The following NECAB1 variants were observed in gnomAD, a reference collection of about 807,000 sequenced individuals.
NECAB1 encodes the protein N-terminal EF-hand calcium binding protein 1, also known as N-terminal EF-hand calcium-binding protein 1.
A neutral mutation model predicts 57.5 loss-of-function variants in NECAB1; 29 were observed. The ratio of observed to expected loss-of-function variants is 0.50; its 90% CI spans 0.38 to 0.69. The LOEUF (loss-of-function observed/expected upper bound fraction) is 0.69, where lower values mean the gene tolerates loss of function less well. Among genes scored for constraint, NECAB1 ranks in the 30% least tolerant of loss-of-function variants. The pLI is 0.00. For synonymous variants in NECAB1, 142 were observed against 147.7 expected, an observed-to-expected ratio of 0.96 and a Z score of 0.28; for missense variants, 372 against 413.8, an observed-to-expected ratio of 0.90 and a Z score of 0.88.
chr8:90,895,411 C>G (rs567280760), intron 5 of NECAB1, among the ~76,000 whole-genome samples: 79 of 152,084 alleles, frequency 5.2e-4, no homozygotes, highest in African/African-American at 1.8e-3. Context: ...TTTTGAAAAG[C>G]AAAAAAGAAA....
At chr8:90,860,247 T>TTC (rs1812877105) in intron 3 of NECAB1, among the ~76,000 whole-genome samples, 1 of 151,160 alleles carries the variant, frequency 6.6e-6, no homozygotes, top group African/African-American at 2.4e-5. Flanking sequence ...TCTTTTTTTT[T>TTC]TTTTTTTAAC....
intron 3 of NECAB1, among the ~76,000 whole-genome samples, chr8:90,837,896 C>T (rs1563500931): frequency 6.6e-6 from 1 of 152,132 alleles, no homozygotes; most frequent in Non-Finnish European, 1.5e-5. Flanking sequence ...CTAATTGTTT[C>T]TTTTCATTTC....
At position 90,822,736 on chromosome 8, in the gene NECAB1, A is replaced by T. The variant is rs117946186; in HGVS notation, c.125-1981A>T. Among the ~76,000 whole-genome samples the T allele has an allele frequency of 1.5e-4, 23 of 151,934 alleles. No homozygotes were observed. The East Asian group carries it at 3.9e-3, about 26-fold the overall frequency. On this transcript the variant is annotated intron_variant, in intron 2 of 12. Transcript: ENST00000417640. ...GTGCAGTAATAGCCTGTTTCCACTC[A>T]CCTGAGAAATATTAACCATTCACCA...
intron 1 of NECAB1, among the ~76,000 whole-genome samples, chr8:90,800,835 G>A (rs976560948): frequency 2.0e-5 from 3 of 152,068 alleles, no homozygotes; most frequent in Admixed American, 6.5e-5. Context: ...ATATGACACC[G>A]TGTTTGTCAG....
chr8:90,816,954 C>A (rs1393163398), intron 2 of NECAB1, among the ~76,000 whole-genome samples: 1 of 151,616 alleles, frequency 6.6e-6, no homozygotes, highest in Non-Finnish European at 1.5e-5. Context: ...TAGAATATCT[C>A]CTTATTTACT....
chr8:90,862,434 T>G (rs1306922893), intron 3 of NECAB1, among the ~76,000 whole-genome samples: 1 of 152,116 alleles, frequency 6.6e-6, no homozygotes, highest in East Asian at 1.9e-4. Flanking sequence ...GTATTCTACC[T>G]GTATGATGAC....
chr8:90,918,166 C>T lies in NECAB1; in HGVS notation c.494+538C>T, dbSNP rs191320494. ...GTGGGATTACAGGCACACACCACCA[C>T]GTCCAGCTAATTTATTGTATTTTTT... On this transcript the variant is annotated intron_variant, in intron 6 of 12. Transcript: ENST00000417640. Among the ~76,000 whole-genome samples the T allele has an allele frequency of 2.8e-3, 417 of 150,890 alleles. 1 individual carries two copies. The highest frequency in any genetic ancestry group is 9.4e-3 in the African/African-American group (388 of 41,178).
intron 3 of NECAB1, among the ~76,000 whole-genome samples, chr8:90,860,949 A>G (rs968469631): frequency 6.6e-6 from 1 of 152,142 alleles, no homozygotes; most frequent in African/African-American, 2.4e-5. Flanking sequence ...GTCAGGGGTG[A>G]TATTTTCTTC....
chr8:90,832,133 C>T (rs1586045847), intron 3 of NECAB1, among the ~76,000 whole-genome samples: 2 of 152,128 alleles, frequency 1.3e-5, no homozygotes, highest in Non-Finnish European at 2.9e-5. Flanking sequence ...ATTACTGAAA[C>T]CCATTTACTT....
chr8:90,818,357 G>A (rs1287445685), intron 2 of NECAB1, among the ~76,000 whole-genome samples: 2 of 151,414 alleles, frequency 1.3e-5, no homozygotes, highest in African/African-American at 4.9e-5. Context: ...TCTCTCTTTA[G>A]TGTCCTAAAG....
intron 5 of NECAB1, among the ~76,000 whole-genome samples, chr8:90,899,136 C>T (rs923456971): frequency 1.3e-5 from 2 of 152,192 alleles, no homozygotes; most frequent in Admixed American, 1.3e-4. Flanking sequence ...AAAGACTGCT[C>T]ATAAGAGGAG....
At chr8:90,839,803 TG>T (rs1035335033) in intron 3 of NECAB1, among the ~76,000 whole-genome samples, 54 of 152,084 alleles carry the variant, frequency 3.6e-4, no homozygotes, top group African/African-American at 1.2e-3. Context: ...TGAGAATCAG[TG>T]GGGTAATCAA....
chr8:90,887,973 C>A (rs187464765), intron 5 of NECAB1, among the ~76,000 whole-genome samples: 1 of 152,230 alleles, frequency 6.6e-6, no homozygotes, highest in African/African-American at 2.4e-5. Flanking sequence ...TGCTGGTGTA[C>A]CCCAAATCCA....
At chr8:90,906,891 A>ATATATATATATATATATGTATGTATG (rs1809682153) in intron 5 of NECAB1, among the ~76,000 whole-genome samples, 1 of 113,414 alleles carries the variant, frequency 8.8e-6, no homozygotes, top group Non-Finnish European at 1.8e-5. Context: ...ATATATATAT[A>ATATATATATATATATATGTATGTATG]TATATATATA....
chr8:90,829,728 C>T (rs1224424327), intron 3 of NECAB1, among the ~76,000 whole-genome samples: 2 of 152,050 alleles, frequency 1.3e-5, no homozygotes, highest in Non-Finnish European at 2.9e-5. Context: ...AAAAATATCA[C>T]CACCTACTAA....
At chr8:90,829,593 A>G (rs1404440285) in intron 3 of NECAB1, among the ~76,000 whole-genome samples, 2 of 152,046 alleles carry the variant, frequency 1.3e-5, no homozygotes, top group African/African-American at 2.4e-5. Context: ...GTCTGTGGCT[A>G]GAGATAGATG....
At chr8:90,867,420 G>C (rs1277936963) in intron 3 of NECAB1, among the ~76,000 whole-genome samples, 2 of 152,168 alleles carry the variant, frequency 1.3e-5, no homozygotes, top group African/African-American at 4.8e-5. Flanking sequence ...ATTAGGAAAT[G>C]ACATGTTTTA....
In NECAB1 at chr8:90,959,109, G is replaced by A. The variant is rs1054926139; in HGVS notation, c.*3597G>A. 6.3e-5 allele frequency: 40 copies of A among 636,508 alleles called. No homozygotes were observed. The African/African-American group carries it at 6.4e-4, about 10-fold the overall frequency. 39.4% of individuals were successfully genotyped at this position (636,508 alleles called of 1,614,324 possible). On this transcript the variant is annotated 3_prime_UTR_variant, in exon 13 of 13. Transcript: ENST00000417640. ...TAATTAGTTTATCAAACCAAATACTGTGAACGTACCAGGTGTTTACAGATT... is the reference window on the plus strand; with the variant it reads ...TAATTAGTTTATCAAACCAAATACTATGAACGTACCAGGTGTTTACAGATT...
intron 10 of NECAB1, among the ~76,000 whole-genome samples, chr8:90,948,457 C>T (rs1385527539): frequency 1.3e-5 from 2 of 152,138 alleles, no homozygotes; most frequent in Non-Finnish European, 2.9e-5. Flanking sequence ...TGTGTAGTTA[C>T]TGCCACCTGC....
Sources: allele counts gnomAD v4.1 joint callset (sites outside exome capture counted in the v4.1 genomes callset), GRCh38; gene constraint gnomAD v4.1.1; transcripts MANE v1.5; gene names NCBI Gene and HGNC (gene_info 2026-07-23, HGNC 2026-07-21).